JARID2: variants seen among roughly 807,000 people sequenced by gnomAD.
JARID2 encodes the protein protein Jumonji.
JARID2 carries 21 observed loss-of-function variants against 125.6 expected under a neutral mutation model. The ratio of observed to expected loss-of-function variants is 0.17; its 90% CI spans 0.12 to 0.24. The LOEUF is 0.24. Among genes scored for constraint, JARID2 ranks in the 10% least tolerant of loss-of-function variants. The pLI is 1.00. For missense variants in JARID2, 1,303 were observed against 1,639.6 expected, an observed-to-expected ratio of 0.79 and a Z score of 3.55; for synonymous variants, 736 against 661.6, an observed-to-expected ratio of 1.11 and a Z score of -1.73.
rs1488942801 is a variant in JARID2, at chr6:15,496,683, G to A, written c.1458G>A (p.Lys486=). The part of the protein sequence containing the change: ...AERGLLNGHV[K]KEVPERSLER... ...GAGGTCTGCTGAACGGACACGTGAA[G>A]AAGGAAGTGCCGGAGCGCAGTCTGG... Residue 486 remains lysine, a synonymous_variant, in exon 7 of 18, where the codon AAG becomes AAA. Coordinates refer to ENST00000341776, the MANE Select transcript of JARID2 (RefSeq NM_004973.4). 1 of 1,613,080 alleles carries A rather than the reference G, an allele frequency of 6.2e-7. No homozygotes were observed. The highest frequency in any genetic ancestry group is 8.5e-7 in the Non-Finnish European group (1 of 1,179,920).
intron 4 of JARID2, among the ~76,000 whole-genome samples, chr6:15,454,540 C>G (rs143297675): frequency 6.6e-6 from 1 of 152,198 alleles, no homozygotes; most frequent in African/African-American, 2.4e-5. Flanking sequence ...TGCAGTGGCA[C>G]AGTCATGGCT....
chr6:15,379,840 C>G (rs1478330708), intron 2 of JARID2, among the ~76,000 whole-genome samples: 1 of 152,080 alleles, frequency 6.6e-6, no homozygotes, highest in Non-Finnish European at 1.5e-5. Flanking sequence ...AAGACCAGGC[C>G]TTTTGGATCA....
chr6:15,249,060 T>C (rs190969949), intron 1 of JARID2: 2 of 569,356 alleles, frequency 3.5e-6, no homozygotes, highest in East Asian at 1.4e-4. Context: ...GGCGCCTCCT[T>C]TCTGCAGGAA....
chr6:15,345,057 T>G (rs1224582414), intron 1 of JARID2, among the ~76,000 whole-genome samples: 1 of 152,200 alleles, frequency 6.6e-6, no homozygotes, highest in East Asian at 1.9e-4. Context: ...GCAGCTGGTT[T>G]CTAGGCTTAG....
chr6:15,350,730 GTT>G (rs538674872), intron 1 of JARID2, among the ~76,000 whole-genome samples: 2,891 of 130,308 alleles, frequency 0.022, 78 homozygotes, highest in African/African-American at 0.075. Context: ...ATAGTTTAAG[GTT>G]TTTTTTTTTT....
chr6:15,250,084 T>C (rs1759384042), intron 1 of JARID2, among the ~76,000 whole-genome samples: 1 of 152,172 alleles, frequency 6.6e-6, no homozygotes, highest in African/African-American at 2.4e-5. Flanking sequence ...AGATAGTAAT[T>C]CCTGTAGTTA....
At chr6:15,390,365 C>G (rs556244888) in intron 2 of JARID2, among the ~76,000 whole-genome samples, 1 of 152,098 alleles carries the variant, frequency 6.6e-6, no homozygotes, top group East Asian at 1.9e-4. Context: ...ATCCGTTCAT[C>G]GCCGCACTGC....
chr6:15,452,223 A>G, intron 4 of JARID2, 48 bp downstream of exon 4: 2 of 1,603,632 alleles, frequency 1.2e-6, no homozygotes, highest in Non-Finnish European at 1.7e-6. Flanking sequence ...ATCTACATGT[A>G]AGCCTGAGGT....
At chr6:15,368,604 G>C (rs1764056871) in intron 1 of JARID2, 1 of 413,224 alleles carries the variant, frequency 2.4e-6, no homozygotes, top group African/African-American at 2.1e-5. Flanking sequence ...CAAAAGAGAA[G>C]GGTTTGAGAG....
At chr6:15,516,049 T>TA (rs1771544374) in intron 16 of JARID2, among the ~76,000 whole-genome samples, 1 of 152,084 alleles carries the variant, frequency 6.6e-6, no homozygotes, top group African/African-American at 2.4e-5. Flanking sequence ...GGGTTTGACT[T>TA]ATACGTTGAC....
chr6:15,377,320 C>T (rs1367807982), intron 2 of JARID2, among the ~76,000 whole-genome samples: 1 of 151,880 alleles, frequency 6.6e-6, no homozygotes, highest in African/African-American at 2.4e-5. Flanking sequence ...GTGAGACTTA[C>T]TCACTATCAC....
chr6:15,442,129 A>C (rs1421247364), intron 3 of JARID2, among the ~76,000 whole-genome samples: 2 of 151,694 alleles, frequency 1.3e-5, no homozygotes, highest in Non-Finnish European at 2.9e-5. Context: ...AAAAGGAAGT[A>C]AAACAGGATT....
intron 1 of JARID2, among the ~76,000 whole-genome samples, chr6:15,325,404 T>C (rs1298352391): frequency 1.3e-5 from 2 of 152,214 alleles, no homozygotes; most frequent in Admixed American, 6.5e-5. Context: ...CCCAGCATAT[T>C]GATTTCCTAT....
intron 1 of JARID2, chr6:15,247,559 T>G (rs926468418): frequency 2.0e-6 from 2 of 980,938 alleles, no homozygotes; most frequent in Admixed American, 6.3e-5. Context: ...AAAGGCCAAA[T>G]GAACATACCT....
chr6:15,513,386 G>A lies in JARID2; in HGVS notation c.3414G>A (p.Arg1138=), dbSNP rs1285844314. 6.2e-7 allele frequency: 1 copy of A among 1,612,372 alleles called. No homozygotes were observed. Among genetic ancestry groups the A allele is most frequent in the Non-Finnish European group, 8.5e-7 (1 of 1,179,106 alleles). Residue 1138 remains arginine (R), a synonymous_variant, in exon 16 of 18, where the codon AGG becomes AGA. Coordinates refer to ENST00000341776, the MANE Select transcript of JARID2 (RefSeq NM_004973.4). The stretch of plus-strand genomic sequence containing the variant: ...TGCAGTTGGAGACGTCAGAGAGGAG[G>A]TGTCAGATCTGCCAGCACCTGTGCT... The part of the protein sequence containing the change: ...KWLQLETSER[R]CQICQHLCYL...
intron 8 of JARID2, among the ~76,000 whole-genome samples, chr6:15,503,686 A>T (rs191043787): frequency 5.8e-4 from 88 of 152,294 alleles, no homozygotes; most frequent in Middle Eastern, 3.4e-3. Flanking sequence ...GACCTAGTAC[A>T]CCATAGGTGC....
chr6:15,292,833 A>G (rs900874537), intron 1 of JARID2, among the ~76,000 whole-genome samples: 2 of 151,930 alleles, frequency 1.3e-5, no homozygotes, highest in African/African-American at 2.4e-5. Context: ...TTCCCAGCTA[A>G]TTTTATTTTA....
intron 3 of JARID2, among the ~76,000 whole-genome samples, chr6:15,440,897 C>T (rs1431392969): frequency 6.6e-6 from 1 of 152,144 alleles, no homozygotes. Flanking sequence ...GACAATGTGT[C>T]AGTTATAGTG....
rs1760803087 is a variant in JARID2, at chr6:15,282,696, C to G, written c.45+36112C>G. 2.6e-5 allele frequency among the ~76,000 whole-genome samples: 4 copies of G among 152,132 alleles called. No individual in the cohort carries two copies. In the South Asian group the frequency reaches 8.3e-4, roughly 32 times the overall value. On this transcript the variant is annotated intron_variant, in intron 1 of 17. Transcript: ENST00000341776. ...CTCAGCTCACCGCAACCTCCACCTC[C>G]TGGGTTCCTATTCTCCTGCCTCAGC...
Sources: gnomAD v4.1 joint callset for allele counts (sites outside exome capture counted in the v4.1 genomes callset) on GRCh38, gnomAD v4.1.1 for gene constraint, MANE v1.5 for transcripts, NCBI Gene and HGNC (gene_info 2026-07-23, HGNC 2026-07-21) for gene names.